Variants in DHX15 observed in about 807,000 individuals in gnomAD.
The protein encoded by DHX15 is ATP-dependent RNA helicase DHX15.
A neutral mutation model predicts 94.4 loss-of-function variants in DHX15; 11 were observed. The ratio of observed to expected loss-of-function variants is 0.12; its 90% CI spans 0.07 to 0.19. The LOEUF (loss-of-function observed/expected upper bound fraction) is 0.19, where lower values mean the gene tolerates loss of function less well. Among genes scored for constraint, DHX15 ranks in the 10% least tolerant of loss-of-function variants. The pLI is 1.00. For synonymous variants in DHX15, 338 were observed against 329.9 expected (o/e 1.02, Z -0.27); for missense variants, 304 against 988.5 (o/e 0.31, Z 9.29).
chr4:24,584,449 C>A lies in DHX15; in HGVS notation c.-56G>T, dbSNP rs1037737053. The A allele has an allele frequency of 1.9e-6, 3 of 1,553,238 alleles. No individual in the cohort carries two copies. Among genetic ancestry groups the A allele is most frequent in the Non-Finnish European group, 2.6e-6 (3 of 1,138,970 alleles). On this transcript the variant is annotated 5_prime_UTR_variant, in exon 1 of 14. Transcript: ENST00000336812. ...GGAAGAAAGCTGGCTGCTGTATGGG[C>A]ACAGTCGAGGACAGCCACTTAACTC...
chr4:24,550,108 A>G (rs1721557896), intron 5 of DHX15, among the ~76,000 whole-genome samples: 1 of 146,064 alleles, frequency 6.8e-6, no homozygotes, highest in African/African-American at 2.5e-5. Flanking sequence ...AAAAAAAAAA[A>G]AAAAAAAAAA....
chr4:24,529,368 G>A (rs1721031660), intron 13 of DHX15, among the ~76,000 whole-genome samples: 1 of 152,110 alleles, frequency 6.6e-6, no homozygotes, highest in Non-Finnish European at 1.5e-5. Flanking sequence ...CTATTCAAAT[G>A]TAACTTCACA....
chr4:24,570,292 T>C (rs1445630377), intron 3 of DHX15, among the ~76,000 whole-genome samples: 2 of 152,196 alleles, frequency 1.3e-5, no homozygotes, highest in African/African-American at 4.8e-5. Context: ...ATCCTATACA[T>C]TCTTCTTTCT....
intron 1 of DHX15, among the ~76,000 whole-genome samples, chr4:24,577,019 T>A (rs1415527778): frequency 6.6e-6 from 1 of 152,132 alleles, no homozygotes; most frequent in Non-Finnish European, 1.5e-5. Context: ...CCAAATTGAG[T>A]AAAAGAAGAT....
At chr4:24,536,432 TAAAGACCAC>T (rs1389788748) in intron 11 of DHX15, among the ~76,000 whole-genome samples, 3 of 152,182 alleles carry the variant, frequency 2.0e-5, no homozygotes, top group Admixed American at 1.3e-4. Context: ...CAACTTTTCA[TAAAGACCAC>T]AACTAACCCC....
At position 24,576,674 on chromosome 4, in the gene DHX15, C is replaced by A. The variant is rs1415049078; in HGVS notation, c.76G>T (p.Asp26Tyr). Residue 26 changes from aspartate to tyrosine, a missense_variant, in exon 2 of 14, where the codon GAT becomes TAT. Asp to Tyr is a radical substitution (Grantham distance 160). Around this residue, in one of 9 missense-constraint regions of DHX15, gnomAD observed 143 missense variants for 200.5 expected, o/e 0.71. Transcript: ENST00000336812. ...TCACGATCCCGGTCTCGATCTCGAT[C>A]CTTCCTAAAAACAAAAATTTAGAAT... ...GKKRAGTDGK[D>Y]RDRDRDREDR... 4 of 1,610,028 alleles carry A rather than the reference C, an allele frequency of 2.5e-6. No homozygotes were observed.
rs1296459672 is a variant in DHX15, at chr4:24,577,538, C to T, written c.72-860G>A. On this transcript the variant is annotated intron_variant, in intron 1 of 13. Transcript: ENST00000336812. ...GGTCTACCATAAAATGAAACATAGC[C>T]AAATTAAAAATAAGCTTTGCTAAAC... is the stretch of plus-strand genomic sequence containing the variant. Among the ~76,000 whole-genome samples the T allele has an allele frequency of 2.0e-5, 3 of 152,042 alleles. No individual in the cohort carries two copies. The East Asian group carries it at 5.8e-4, about 29-fold the overall frequency.
intron 11 of DHX15, 96 bp downstream of exon 11, chr4:24,536,955 T>C (rs1472882662): frequency 4.4e-6 from 6 of 1,366,362 alleles, no homozygotes; most frequent in South Asian, 1.7e-5. Context: ...CTAATATAAG[T>C]TGTCACGGAT....
intron 2 of DHX15, 120 bp from the exon 3 acceptor site, chr4:24,570,967 A>C: frequency 2.0e-6 from 2 of 1,009,676 alleles, no homozygotes; most frequent in Non-Finnish European, 2.9e-6. Context: ...GCAAATGACT[A>C]TAAGACTTGT....
intron 2 of DHX15, 114 bp from the exon 3 acceptor site, chr4:24,570,961 A>G: frequency 9.4e-7 from 1 of 1,064,442 alleles, no homozygotes; most frequent in East Asian, 2.6e-5. Context: ...AATTAGGCAA[A>G]TGACTATAAG....
intron 5 of DHX15, among the ~76,000 whole-genome samples, chr4:24,550,302 TTTC>T (rs1721567780): frequency 6.6e-6 from 1 of 151,888 alleles, no homozygotes; most frequent in Admixed American, 6.6e-5. Flanking sequence ...AAAAATGTAT[TTTC>T]TTTTTTTTGA....
intron 1 of DHX15, among the ~76,000 whole-genome samples, chr4:24,577,432 C>T (rs1722297499): frequency 6.6e-6 from 1 of 152,022 alleles, no homozygotes; most frequent in Non-Finnish European, 1.5e-5. Flanking sequence ...ACTTTTATTC[C>T]TTCTTGCTTG....
chr4:24,574,229 G>T (rs1251602925), intron 2 of DHX15, among the ~76,000 whole-genome samples: 37 of 70,020 alleles, frequency 5.3e-4, no homozygotes, highest in South Asian at 2.7e-3. Flanking sequence ...AAAAAAAAAA[G>T]TTAAAGTCAT....
chr4:24,533,218 A>C, intron 11 of DHX15, 164 bp from the exon 12 acceptor site: 3 of 662,388 alleles, frequency 4.5e-6, no homozygotes, highest in Non-Finnish European at 8.0e-6. Context: ...CAACTTTCTC[A>C]AAGATCTGTA....
rs1223071364 is a variant in DHX15, at chr4:24,540,258, G to A, written c.1636C>T (p.Leu546=). ...LMRALELLNY[L]AALNDDGDLT... is the part of the protein sequence containing the mutation. ...TCTCCATCATCATTTAAAGCAGCCA[G>A]GTAATTCAAAAGTTCCAGGGCTCTC... Residue 546 remains leucine (L), a synonymous_variant, in exon 10 of 14, where the codon CTG becomes TTG. Coordinates refer to ENST00000336812, the MANE Select transcript of DHX15 (RefSeq NM_001358.3). The A allele has an allele frequency of 3.1e-6, 5 of 1,613,250 alleles. No homozygotes were observed. The highest frequency in any genetic ancestry group is 4.2e-6 in the Non-Finnish European group (5 of 1,179,464).
intron 3 of DHX15, among the ~76,000 whole-genome samples, chr4:24,568,305 T>C (rs961360384): frequency 6.6e-6 from 1 of 152,196 alleles, no homozygotes; most frequent in African/African-American, 2.4e-5. Context: ...TCCTATCAAA[T>C]AGCAAAGTTA....
Position 24,527,727 on chromosome 4 carries a change from G to C in DHX15, c.*197C>G. ...ACATTGATCGACTTTTCCAGTATGA[G>C]CTACAGTGTCAACACAAAAGGGAGG... On this transcript the variant is annotated 3_prime_UTR_variant, in exon 14 of 14. Transcript: ENST00000336812. 1 of 515,550 alleles carries C rather than the reference G, an allele frequency of 1.9e-6. No individual in the cohort carries two copies. Among genetic ancestry groups the C allele is most frequent in the East Asian group, 2.9e-5 (1 of 34,128 alleles). 31.9% of individuals were successfully genotyped at this position (515,550 alleles called of 1,614,324 possible). A position where few individuals can be genotyped will look rare whatever the true frequency, so the allele number is the denominator to read the frequency against.
chr4:24,542,011 A>G lies in DHX15; in HGVS notation c.1347T>C (p.Pro449=). Residue 449 remains proline (P), a synonymous_variant, in exon 8 of 14, where the codon CCT becomes CCC. Coordinates refer to ENST00000336812, the MANE Select transcript of DHX15 (RefSeq NM_001358.3). The stretch of plus-strand genomic sequence containing the variant: ...CCAAAAGGGACTCAACTCTGATTCG[A>G]GGATTGTAGACCTATTGGAATTGAA... ...PGFAKQKVYN[P]RIRVESLLVT... 1 of 1,609,506 alleles carries G rather than the reference A, an allele frequency of 6.2e-7. No individual in the cohort carries two copies. Among genetic ancestry groups the G allele is most frequent in the Non-Finnish European group, 8.5e-7 (1 of 1,177,238 alleles).
chr4:24,562,794 CAT>C (rs1172979358), intron 3 of DHX15, among the ~76,000 whole-genome samples: 21 of 152,156 alleles, frequency 1.4e-4, no homozygotes, highest in African/African-American at 5.1e-4. Context: ...AACACCAAGT[CAT>C]ATGTTTCAGA....
Sources: gnomAD v4.1 joint callset for allele counts (sites outside exome capture counted in the v4.1 genomes callset) on GRCh38, gnomAD v4.1.1 for gene constraint, gnomAD v4.1.1 regional missense constraint, MANE v1.5 for transcripts, NCBI Gene and HGNC (gene_info 2026-07-23, HGNC 2026-07-21) for gene names.